PTPN14: variants seen among roughly 807,000 people sequenced by gnomAD.
The protein encoded by PTPN14 is tyrosine-protein phosphatase non-receptor type 14.
PTPN14 carries 53 observed loss-of-function variants against 126.8 expected under a neutral mutation model. That is an observed-to-expected ratio of 0.42 (90% CI 0.34 to 0.53). The LOEUF is 0.53. Among genes scored for constraint, PTPN14 ranks in the 20% least tolerant of loss-of-function variants. PTPN14 has a pLI of 0.08. For synonymous variants in PTPN14, 630 were observed against 599.3 expected, an observed-to-expected ratio of 1.05 and a Z score of -0.75; for missense variants, 1,257 against 1,552.9, an observed-to-expected ratio of 0.81 and a Z score of 3.20.
At chr1:214,469,539 AT>A (rs1195540448) in intron 1 of PTPN14, among the ~76,000 whole-genome samples, 1 of 152,170 alleles carries the variant, frequency 6.6e-6, no homozygotes, top group African/African-American at 2.4e-5. Context: ...ACATTATAAA[AT>A]CTGGAACTAA....
rs1658026209 is a variant in PTPN14, at chr1:214,364,435, G to T, written c.3435+77C>A. 1 of 1,513,866 alleles carries T rather than the reference G, an allele frequency of 6.6e-7. No individual in the cohort carries two copies. The highest frequency in any genetic ancestry group is 8.9e-7 in the Non-Finnish European group (1 of 1,121,670). The allele number at this position is 1,513,866 out of a possible 1,614,324, so 93.8% of individuals were successfully genotyped here. On this transcript the variant is annotated intron_variant, in intron 18 of 18. Coordinates refer to ENST00000366956, the MANE Select transcript of PTPN14 (RefSeq NM_005401.5). This position sits in a 1 kb window ranked among gnomAD's most constrained non-coding sequence, Gnocchi z 4.1. The stretch of plus-strand genomic sequence containing the variant: ...GAAATTAACCACTGAAAATGCAAGG[G>T]TGCAGGCAAAGGTTTGGCCAGGGTG...
chr1:214,465,011 G>T, intron 1 of PTPN14, 54 bp from the exon 2 acceptor site: 1 of 510,946 alleles, frequency 2.0e-6, no homozygotes. Context: ...CCTATCAATG[G>T]TACCATATTC....
chr1:214,386,547 G>A (rs941411944), intron 12 of PTPN14, among the ~76,000 whole-genome samples: 2 of 152,202 alleles, frequency 1.3e-5, no homozygotes, highest in African/African-American at 2.4e-5. Context: ...AAGTGCATTC[G>A]CTTGGGCTGA....
chr1:214,495,663 T>A (rs4348693), intron 1 of PTPN14, among the ~76,000 whole-genome samples: 434 of 3,618 alleles, frequency 0.12, 2 homozygotes, highest in African/African-American at 0.35. Flanking sequence ...ATTTTATTTT[T>A]TTTATTTATT....
chr1:214,399,337 T>C lies in PTPN14; in HGVS notation c.670-1336A>G, dbSNP rs574130254. 1.6e-4 allele frequency among the ~76,000 whole-genome samples: 25 copies of C among 152,316 alleles called. 1 individual carries two copies. Among genetic ancestry groups the C allele is most frequent in the African/African-American group, 4.6e-4 (19 of 41,574 alleles). On this transcript the variant is annotated intron_variant, in intron 7 of 18. Transcript: ENST00000366956. ...GATAGAGAGATAGATATTTTTTTCCTTTTTTCTCAATTTGTCACAACACAT... is the reference window on the plus strand; with the variant it reads ...GATAGAGAGATAGATATTTTTTTCCCTTTTTCTCAATTTGTCACAACACAT...
At chr1:214,371,886 T>G (rs1481657214) in intron 16 of PTPN14, among the ~76,000 whole-genome samples, 1 of 152,162 alleles carries the variant, frequency 6.6e-6, no homozygotes, top group Non-Finnish European at 1.5e-5. Flanking sequence ...TCCTCCCCAA[T>G]TTTCTTTGTT....
intron 17 of PTPN14, among the ~76,000 whole-genome samples, chr1:214,367,812 C>G (rs1340331984): frequency 6.6e-6 from 1 of 152,182 alleles, no homozygotes; most frequent in Admixed American, 6.5e-5. Context: ...TGATGACTGG[C>G]CTGTCTTTCC....
intron 3 of PTPN14, among the ~76,000 whole-genome samples, chr1:214,436,622 C>T (rs578071516): frequency 6.6e-6 from 1 of 151,714 alleles, no homozygotes; most frequent in East Asian, 1.9e-4. Flanking sequence ...ATGGTGAAAC[C>T]CCTTCTCTAA....
intron 1 of PTPN14, among the ~76,000 whole-genome samples, chr1:214,512,348 T>A (rs1381692379): frequency 1.3e-5 from 2 of 152,212 alleles, no homozygotes; most frequent in Non-Finnish European, 2.9e-5. Flanking sequence ...CCAATCCTGC[T>A]GCTTCTCCAT....
intron 2 of PTPN14, among the ~76,000 whole-genome samples, chr1:214,454,649 G>C (rs1660344442): frequency 6.6e-6 from 1 of 152,136 alleles, no homozygotes; most frequent in Non-Finnish European, 1.5e-5. Flanking sequence ...ATGATAGTAA[G>C]GCAATAATCT....
intron 18 of PTPN14, among the ~76,000 whole-genome samples, chr1:214,363,453 T>C (rs1441212495): frequency 6.6e-6 from 1 of 152,130 alleles, no homozygotes; most frequent in East Asian, 1.9e-4. Context: ...CTCCACAGAG[T>C]TGCAACAAAT....
chr1:214,427,687 T>TAAATAAA, intron 3 of PTPN14, among the ~76,000 whole-genome samples: 1 of 151,294 alleles, frequency 6.6e-6, no homozygotes, highest in Non-Finnish European at 1.5e-5. Context: ...AAACAATAGG[T>TAAATAAA]CCAATGAGAA....
Position 214,464,924 on chromosome 1 carries a change from G to A in PTPN14, c.-121C>T. On this transcript the variant is annotated 5_prime_UTR_variant, in exon 2 of 19. Coordinates refer to ENST00000366956, the MANE Select transcript of PTPN14 (RefSeq NM_005401.5). ...TGTGCTCCTCCAGGCAGGGAAAAGG[G>A]TGTCCATGCCCAGTGTGGCCCTCTG... 7.9e-7 allele frequency: 1 copy of A among 1,263,536 alleles called. No individual in the cohort carries two copies. Among genetic ancestry groups the A allele is most frequent in the South Asian group, 1.4e-5 (1 of 69,416 alleles). The allele number at this position is 1,263,536 out of a possible 1,614,324, so 78.3% of individuals were successfully genotyped here.
At chr1:214,536,588 C>T (rs759962598) in intron 1 of PTPN14, among the ~76,000 whole-genome samples, 13 of 151,692 alleles carry the variant, frequency 8.6e-5, no homozygotes, top group Admixed American at 8.5e-4. Context: ...AGTTCGAGAC[C>T]AGCTTGCGTA....
intron 3 of PTPN14, among the ~76,000 whole-genome samples, chr1:214,418,722 T>C (rs1408102306): frequency 6.6e-6 from 1 of 152,248 alleles, no homozygotes; most frequent in Admixed American, 6.5e-5. Context: ...GAGAAACTTT[T>C]CCATAAAAAT....
In PTPN14 at chr1:214,383,962, G is replaced by C. The variant is rs766649637; in HGVS notation, c.1893C>G (p.Thr631=). 2 of 1,612,348 alleles carry C rather than the reference G, an allele frequency of 1.2e-6. No homozygotes were observed. Among genetic ancestry groups the C allele is most frequent in the African/African-American group, 2.7e-5 (2 of 74,930 alleles). ...LQEVSEPLTA[T]KHHGTVNKRH... ...GCTTGTTCACAGTGCCGTGGTGCTT[G>C]GTGGCCGTGAGGGGCTCGCTCACCT... is the stretch of plus-strand genomic sequence containing the variant. The change falls in exon 13 of 19, where the codon ACC becomes ACG. Residue 631 remains threonine (T), a synonymous_variant. Transcript: ENST00000366956. The surrounding 1 kb of genome is among the most constrained non-coding windows in gnomAD (Gnocchi z 4.4).
intron 16 of PTPN14, chr1:214,372,424 T>C (rs1389554689): frequency 5.8e-6 from 2 of 347,294 alleles, no homozygotes; most frequent in Admixed American, 9.1e-5. Flanking sequence ...CTGTCATTTT[T>C]GGTTTTCTGT....
rs2102494978 is a variant in PTPN14, at chr1:214,551,234, C to T, written c.-206G>A. The T allele has an allele frequency of 6.6e-6, 1 of 152,576 alleles. No homozygotes were observed. The highest frequency in any genetic ancestry group is 1.9e-4 in the East Asian group (1 of 5,184). 9.5% of individuals were successfully genotyped at this position (152,576 alleles called of 1,614,324 possible). On this transcript the variant is annotated 5_prime_UTR_variant, in exon 1 of 19. Coordinates refer to ENST00000366956, the MANE Select transcript of PTPN14 (RefSeq NM_005401.5). ...CGGAGTCCCGCGCGGAAAGGCTGTCCTTCGCGGCGGCGGAGCCGATTCCCC... is the reference window on the plus strand; with the variant it reads ...CGGAGTCCCGCGCGGAAAGGCTGTCTTTCGCGGCGGCGGAGCCGATTCCCC...
rs1470847617 is a variant in PTPN14, at chr1:214,451,866, G to T, written c.283C>A (p.Leu95Ile). Residue 95 changes from leucine (L) to isoleucine (I), a missense_variant, in exon 3 of 19, where the codon CTT becomes ATT. Physicochemically the swap from Leu to Ile is conservative, Grantham distance 5. Around this residue, in one of 3 missense-constraint regions of PTPN14, gnomAD observed 1,021 missense variants for 1,183.3 expected, o/e 0.86. Coordinates refer to ENST00000366956, the MANE Select transcript of PTPN14 (RefSeq NM_005401.5). ...HLDKFANEPL[L>I]FFGVMFYVPN... Reference sequence around the variant, plus strand: ...ACATAGAACATGACTCCAAAGAAAAGCAAAGGCTCATTAGCGAATTTGTCC... The same window carrying T: ...ACATAGAACATGACTCCAAAGAAAATCAAAGGCTCATTAGCGAATTTGTCC... The T allele has an allele frequency of 6.2e-7, 1 of 1,614,192 alleles. No individual in the cohort carries two copies. Among genetic ancestry groups the T allele is most frequent in the South Asian group, 1.1e-5 (1 of 91,088 alleles).
Sources: allele counts gnomAD v4.1 joint callset (sites outside exome capture counted in the v4.1 genomes callset), GRCh38; gene constraint gnomAD v4.1.1; regional missense constraint gnomAD v4.1.1; non-coding constraint Gnocchi (gnomAD v3.1); transcripts MANE v1.5; gene names NCBI Gene and HGNC (gene_info 2026-07-23, HGNC 2026-07-21).